Variants in STIM1 observed in about 807,000 individuals in gnomAD.
STIM1 encodes the protein stromal interaction molecule 1.
STIM1 carries 25 observed loss-of-function variants against 74.7 expected under a neutral mutation model. The observed-to-expected ratio is 0.33, with a 90% CI of 0.24 to 0.47. The LOEUF (loss-of-function observed/expected upper bound fraction) is 0.47, where lower values mean the gene tolerates loss of function less well. Among genes scored for constraint, STIM1 ranks in the 20% least tolerant of loss-of-function variants. The pLI, the probability that STIM1 is intolerant of heterozygous loss-of-function variation, is 1.00. For missense variants in STIM1, 728 were observed against 920.8 expected (o/e 0.79, Z 2.71); for synonymous variants, 328 against 348.8 (o/e 0.94, Z 0.66).
chr11:3,915,088 T>A (rs1015260678), intron 1 of STIM1, among the ~76,000 whole-genome samples: 1 of 152,160 alleles, frequency 6.6e-6, no homozygotes, highest in African/African-American at 2.4e-5. Flanking sequence ...TTTAAGTCCT[T>A]TGTCCATTTA....
intron 1 of STIM1, among the ~76,000 whole-genome samples, chr11:3,859,913 AT>A (rs2090533894): frequency 1.3e-5 from 2 of 152,208 alleles, no homozygotes; most frequent in African/African-American, 4.8e-5. Context: ...AGCTAGGTTA[AT>A]TGATTCAGCA....
Position 4,091,140 on chromosome 11 carries a change from C to T in STIM1, c.1635-142C>T, listed in dbSNP as rs141374188. 4,591 of 1,137,540 alleles carry T rather than the reference C, an allele frequency of 4.0e-3. 13 individuals are homozygous for T. The highest frequency in any genetic ancestry group is 5.2e-3 in the Non-Finnish European group (3,969 of 763,516). 70.5% of individuals were successfully genotyped at this position (1,137,540 alleles called of 1,614,324 possible). On this transcript the variant is annotated intron_variant, in intron 12 of 12. Coordinates refer to ENST00000526596, the MANE Select transcript of STIM1 (RefSeq NM_001382567.1). ...TCTCCTTCCCACCTGCCTGTTCATC[C>T]TATTTCTCTCTCCTGCCGCTCTATC...
intron 5 of STIM1, among the ~76,000 whole-genome samples, chr11:4,061,579 G>A (rs2094331039): frequency 6.6e-6 from 1 of 152,188 alleles, no homozygotes; most frequent in Non-Finnish European, 1.5e-5. Flanking sequence ...GTGTAAAATA[G>A]TCTGGTGGTT....
At chr11:3,933,007 G>T (rs1233123763) in intron 1 of STIM1, among the ~76,000 whole-genome samples, 14 of 152,184 alleles carry the variant, frequency 9.2e-5, no homozygotes, top group Non-Finnish European at 2.9e-5. Flanking sequence ...AGGTGAAGTT[G>T]CCTCTGTTTT....
chr11:4,061,083 C>A (rs2094327391), intron 5 of STIM1, among the ~76,000 whole-genome samples: 1 of 152,200 alleles, frequency 6.6e-6, no homozygotes, highest in African/African-American at 2.4e-5. Context: ...GCCTGAAAGT[C>A]TTCCTTAGCC....
chr11:3,997,010 A>G lies in STIM1; in HGVS notation c.271-26863A>G, dbSNP rs2093668880. Among the ~76,000 whole-genome samples, 3 of 152,252 alleles carry G rather than the reference A, an allele frequency of 2.0e-5. No individual in the cohort carries two copies. The South Asian group carries it at 6.2e-4, about 31-fold the overall frequency. On this transcript the variant is annotated intron_variant, in intron 2 of 12. Coordinates refer to ENST00000526596, the MANE Select transcript of STIM1 (RefSeq NM_001382567.1). ...TCCTTTCATAAAACAAAGGTTCCCCAGACAGTATTCTTTGGCTAGCTTGGA... is the reference window on the plus strand; with the variant it reads ...TCCTTTCATAAAACAAAGGTTCCCCGGACAGTATTCTTTGGCTAGCTTGGA...
chr11:4,065,429 C>T (rs991386327), intron 5 of STIM1, among the ~76,000 whole-genome samples: 1 of 151,038 alleles, frequency 6.6e-6, no homozygotes, highest in Non-Finnish European at 1.5e-5. Flanking sequence ...ATGCTCAACT[C>T]TTTCCTCTTA....
chr11:4,045,001 A>G (rs761699173), intron 3 of STIM1, among the ~76,000 whole-genome samples: 2 of 152,156 alleles, frequency 1.3e-5, no homozygotes, highest in African/African-American at 4.8e-5. Context: ...CTAAAATGTC[A>G]TTGGGGCAGA....
intron 1 of STIM1, chr11:3,892,866 AGAACAC>A (rs1488406557): frequency 1.3e-6 from 2 of 1,597,276 alleles, no homozygotes; most frequent in Non-Finnish European, 1.7e-6. Flanking sequence ...GCAATGTCGA[AGAACAC>A]GGTGGGGTTA....
intron 1 of STIM1, among the ~76,000 whole-genome samples, chr11:3,901,787 G>A (rs980011440): frequency 3.9e-5 from 6 of 152,180 alleles, no homozygotes; most frequent in East Asian, 1.9e-4. Flanking sequence ...ATAGCATCTC[G>A]CTCTGTTGCC....
intron 1 of STIM1, among the ~76,000 whole-genome samples, chr11:3,881,966 C>T (rs1565099907): frequency 6.6e-6 from 1 of 152,010 alleles, no homozygotes; most frequent in Non-Finnish European, 1.5e-5. Flanking sequence ...GCCACGGCGC[C>T]CGGCCTTGAT....
rs760242778 is a variant in STIM1 at position 4,086,501 on chromosome 11, G to A, written c.1592G>A (p.Arg531Gln). 4.3e-6 allele frequency: 7 copies of A among 1,613,960 alleles called. No homozygotes were observed. Among genetic ancestry groups the A allele is most frequent in the East Asian group, 2.2e-5 (1 of 44,888 alleles). ...YPAPSLQSSVRQRLTEPQHGL... is the reference protein window; with the variant it reads ...YPAPSLQSSVQQRLTEPQHGL... The stretch of plus-strand genomic sequence containing the variant: ...GCCCCTAGCCTGCAGAGCAGTGTTC[G>A]GCAGCGCCTGACGGAGCCACAGCAT... The change falls in exon 12 of 13, where the codon CGG becomes CAG. Residue 531 changes from arginine to glutamine, a missense_variant. By Grantham distance (43) the Arg-to-Gln change is conservative (BLOSUM62 1). Around this residue, in one of 5 missense-constraint regions of STIM1, gnomAD observed 352 missense variants for 370.1 expected, o/e 0.95. Coordinates refer to ENST00000526596, the MANE Select transcript of STIM1 (RefSeq NM_001382567.1).
At chr11:3,989,340 T>A in intron 2 of STIM1, 1 of 851,228 alleles carries the variant, frequency 1.2e-6, no homozygotes, top group Non-Finnish European at 2.1e-6. Flanking sequence ...TATCCTTTGC[T>A]GCTGCCTTTT....
intron 2 of STIM1, among the ~76,000 whole-genome samples, chr11:4,000,029 G>T (rs1157428513): frequency 6.6e-6 from 1 of 152,034 alleles, no homozygotes. Flanking sequence ...GCGAGGCTGG[G>T]GGAGGGGCGC....
At chr11:3,956,032 A>G (rs2093208257) in intron 1 of STIM1, among the ~76,000 whole-genome samples, 1 of 152,076 alleles carries the variant, frequency 6.6e-6, no homozygotes, top group Non-Finnish European at 1.5e-5. Context: ...GAAAAAAAAA[A>G]AAAAGCAGGA....
At chr11:3,953,234 A>G (rs1366242904) in intron 1 of STIM1, among the ~76,000 whole-genome samples, 1 of 152,156 alleles carries the variant, frequency 6.6e-6, no homozygotes, top group African/African-American at 2.4e-5. Flanking sequence ...TAAACTTTAT[A>G]TTTAAGTTCT....
chr11:3,900,491 T>G (rs1166762333), intron 1 of STIM1, among the ~76,000 whole-genome samples: 2 of 152,200 alleles, frequency 1.3e-5, no homozygotes, highest in African/African-American at 4.8e-5. Flanking sequence ...ACCCGGTACC[T>G]CACATGGAAA....
At chr11:4,069,875 C>T (rs113133831) in intron 5 of STIM1, 151 bp from the exon 6 acceptor site, 9 of 851,418 alleles carry the variant, frequency 1.1e-5, no homozygotes, top group African/African-American at 3.3e-5. Flanking sequence ...TAGTGTATGG[C>T]AAGTGTGTAT....
chr11:4,040,984 A>G (rs1032330063), intron 3 of STIM1, among the ~76,000 whole-genome samples: 3 of 152,224 alleles, frequency 2.0e-5, no homozygotes, highest in Non-Finnish European at 4.4e-5. Context: ...ACCTCACTGT[A>G]GTCCCAGATG....
Sources: allele counts gnomAD v4.1 joint callset (sites outside exome capture counted in the v4.1 genomes callset), GRCh38; gene constraint gnomAD v4.1.1; regional missense constraint gnomAD v4.1.1; transcripts MANE v1.5; gene names NCBI Gene and HGNC (gene_info 2026-07-23, HGNC 2026-07-21).